SPRY4: variants seen among roughly 807,000 people sequenced by gnomAD.
SPRY4 encodes sprouty RTK signaling antagonist 4.
SPRY4 carries 7 observed loss-of-function variants against 17.0 expected under a neutral mutation model. The observed-to-expected ratio is 0.41, with a 90% CI of 0.23 to 0.77. SPRY4 has a LOEUF of 0.77. Ranked by LOEUF, SPRY4 falls within the 30% of genes least tolerant of loss-of-function variation. The pLI is 0.32. For synonymous variants in SPRY4, 183 were observed against 174.1 expected (o/e 1.05, Z -0.40); for missense variants, 435 against 419.9 (o/e 1.04, Z -0.31).
chr5:142,314,588 CG>C lies in SPRY4; in HGVS notation c.520del (p.Arg174GlyfsTer85). ...KCKCKECASP[R>X]TLPSCWVCNQ... ...GCAGACCCAGCAGGAAGGCAACGTC[CG>C]GGGGGATGCACACTCCTTGCATTTA... On this transcript the variant is annotated frameshift_variant, in exon 2 of 2. Coordinates refer to ENST00000434127, the MANE Select transcript of SPRY4 (RefSeq NM_001127496.3). LOFTEE classifies it high-confidence loss of function. This position sits in a 1 kb window ranked among gnomAD's most constrained non-coding sequence, Gnocchi z 4.8. 6.2e-7 allele frequency: 1 copy of C among 1,614,206 alleles called. No homozygotes were observed. The highest frequency in any genetic ancestry group is 8.5e-7 in the Non-Finnish European group (1 of 1,180,030).
At chr5:142,322,187 T>A (rs1240178814) in intron 1 of SPRY4, among the ~76,000 whole-genome samples, 1 of 152,036 alleles carries the variant, frequency 6.6e-6, no homozygotes, top group Non-Finnish European at 1.5e-5. Flanking sequence ...CAGATAAAAA[T>A]GACATATGAG....
intron 1 of SPRY4, among the ~76,000 whole-genome samples, chr5:142,320,817 G>A (rs958928819): frequency 2.6e-5 from 4 of 152,094 alleles, no homozygotes; most frequent in Admixed American, 2.6e-4. Context: ...TACAATAATA[G>A]ATTTTAGCTT....
chr5:142,321,794 C>T (rs915773188), intron 1 of SPRY4, among the ~76,000 whole-genome samples: 7 of 152,160 alleles, frequency 4.6e-5, no homozygotes, highest in South Asian at 2.1e-4. Context: ...TCCTTTGCAC[C>T]AACACCCAGG....
chr5:142,317,909 G>T, intron 1 of SPRY4: 1 of 985,366 alleles, frequency 1.0e-6, no homozygotes, highest in Non-Finnish European at 1.2e-6. Context: ...CGATGACTTG[G>T]CTCTCTGGGG....
chr5:142,317,438 A>G, intron 1 of SPRY4: 1 of 985,338 alleles, frequency 1.0e-6, no homozygotes, highest in Non-Finnish European at 1.2e-6. Flanking sequence ...GACAATGATA[A>G]CATGAGTCCC....
chr5:142,311,143 A>G lies in SPRY4; in HGVS notation c.*3066T>C. 1 of 152,254 alleles carries G rather than the reference A, an allele frequency of 6.6e-6. No homozygotes were observed. Among genetic ancestry groups the G allele is most frequent in the Non-Finnish European group, 1.5e-5 (1 of 68,036 alleles). 9.4% of individuals were successfully genotyped at this position (152,254 alleles called of 1,614,324 possible). A position where few individuals can be genotyped will look rare whatever the true frequency, so the allele number is the denominator to read the frequency against. ...CTGAGGGGGTGCGTACCAAAGGACC[A>G]AAGGAAGGGATTGGTCTTCACCCCC... On this transcript the variant is annotated 3_prime_UTR_variant, in exon 2 of 2. Transcript: ENST00000434127.
Position 142,314,906 on chromosome 5 carries a change from C to T in SPRY4, c.203G>A (p.Arg68Gln), listed in dbSNP as rs762784800. 1.4e-4 allele frequency: 221 copies of T among 1,608,366 alleles called. No homozygotes were observed. Among genetic ancestry groups the T allele is most frequent in the Non-Finnish European group, 1.7e-4 (201 of 1,175,844 alleles). ...LALTTGPKRT[R>Q]GGAPELAPTP... ...CGGGGCCAGCTCTGGGGCCCCGCCC[C>T]GGGTCCGCTTTGGGCCGGTGGTCAG... Residue 68 changes from arginine (R) to glutamine (Q), a missense_variant, in exon 2 of 2, where the codon CGG becomes CAG. Transcript: ENST00000434127. This position sits in a 1 kb window ranked among gnomAD's most constrained non-coding sequence, Gnocchi z 4.8.
rs557985857 is a variant in SPRY4 at position 142,315,098 on chromosome 5, G to A, written c.11C>T (p.Pro4Leu). 9.3e-6 allele frequency: 15 copies of A among 1,610,526 alleles called. No homozygotes were observed. The highest frequency in any genetic ancestry group is 6.7e-5 in the African/African-American group (5 of 74,966). Reference protein sequence around the residue: MEPPIPQSAPLTPN... With the variant: MEPLIPQSAPLTPN... ...AGTCAAGGGGGCGCTCTGTGGGATC[G>A]GGGGCTCCATGGGGCTGGAGGTCCT... The change falls in exon 2 of 2, where the codon CCG (proline) becomes CTG (leucine). Residue 4 changes from proline to leucine, a missense_variant. Pro to Leu is a moderately conservative substitution (Grantham distance 98). Coordinates refer to ENST00000434127, the MANE Select transcript of SPRY4 (RefSeq NM_001127496.3).
chr5:142,317,899 C>T (rs954115688), intron 1 of SPRY4: 30 of 985,254 alleles, frequency 3.0e-5, no homozygotes, highest in Admixed American at 6.2e-5. Context: ...GCTTGGCCCA[C>T]GATGACTTGG....
Position 142,314,322 on chromosome 5 carries a change from G to C in SPRY4, c.787C>G (p.Arg263Gly). ...PATGCVKLAQRGYDRLRRPGC... is the reference protein window; with the variant it reads ...PATGCVKLAQGGYDRLRRPGC... Reference sequence around the variant, plus strand: ...GGGCGGCGCAGACGGTCGTAGCCACGCTGGGCCAGCTTCACGCAGCCGGTG... The same window carrying C: ...GGGCGGCGCAGACGGTCGTAGCCACCCTGGGCCAGCTTCACGCAGCCGGTG... Residue 263 changes from arginine (R) to glycine (G), a missense_variant, in exon 2 of 2, where the codon CGT (arginine) becomes GGT (glycine). Coordinates refer to ENST00000434127, the MANE Select transcript of SPRY4 (RefSeq NM_001127496.3). This position sits in a 1 kb window ranked among gnomAD's most constrained non-coding sequence, Gnocchi z 4.8. 1 of 1,613,996 alleles carries C rather than the reference G, an allele frequency of 6.2e-7. No individual in the cohort carries two copies. Among genetic ancestry groups the C allele is most frequent in the South Asian group, 1.1e-5 (1 of 91,074 alleles).
In SPRY4 at chr5:142,317,635, T is replaced by TC. The variant is rs577327508; in HGVS notation, c.-47-2481dup. On this transcript the variant is annotated intron_variant, in intron 1 of 1. Transcript: ENST00000434127. The stretch of plus-strand genomic sequence containing the variant: ...GCAGATTCACTTTTTTTTTTTTTTT[T>TC]CATTTGTGAGGTTCTTTAAAAACAG... 60 of 984,660 alleles carry TC rather than the reference T, an allele frequency of 6.1e-5. 1 individual carries two copies. The South Asian group carries it at 2.5e-3, about 41-fold the overall frequency. The allele number at this position is 984,660 out of a possible 1,614,324, so 61.0% of individuals were successfully genotyped here.
At chr5:142,317,005 C>A (rs769658419) in intron 1 of SPRY4, 1 of 985,444 alleles carries the variant, frequency 1.0e-6, no homozygotes, top group Non-Finnish European at 1.2e-6. Context: ...ATGTTCTCTT[C>A]GGATGAAACC....
rs770051985 is a variant in SPRY4, at chr5:142,315,101, G to A, written c.8C>T (p.Pro3Leu). 3.7e-6 allele frequency: 6 copies of A among 1,610,012 alleles called. No homozygotes were observed. In the South Asian group the frequency reaches 5.5e-5, roughly 15 times the overall value. The change falls in exon 2 of 2, where the codon CCC becomes CTC. Residue 3 changes from proline (P) to leucine (L), a missense_variant. Coordinates refer to ENST00000434127, the MANE Select transcript of SPRY4 (RefSeq NM_001127496.3). ME[P>L]PIPQSAPLTP... ...CAAGGGGGCGCTCTGTGGGATCGGG[G>A]GCTCCATGGGGCTGGAGGTCCTGGA...
At chr5:142,316,208 CGA>C (rs1252250183) in intron 1 of SPRY4, among the ~76,000 whole-genome samples, 3 of 152,094 alleles carry the variant, frequency 2.0e-5, no homozygotes, top group East Asian at 1.9e-4. Flanking sequence ...CTAATTTCAC[CGA>C]GAGAGTGCAA....
At chr5:142,316,541 A>G (rs1297599735) in intron 1 of SPRY4, among the ~76,000 whole-genome samples, 1 of 152,232 alleles carries the variant, frequency 6.6e-6, no homozygotes, top group Non-Finnish European at 1.5e-5. Context: ...TAAAAGAGAA[A>G]GATAAGTCTT....
chr5:142,321,392 C>T (rs1017644804), intron 1 of SPRY4, among the ~76,000 whole-genome samples: 1 of 152,234 alleles, frequency 6.6e-6, no homozygotes, highest in Non-Finnish European at 1.5e-5. Context: ...GTTCTAGCCC[C>T]TGGCTTGGTC....
chr5:142,318,826 C>G (rs185158833), intron 1 of SPRY4, among the ~76,000 whole-genome samples: 191 of 152,254 alleles, frequency 1.3e-3, no homozygotes, highest in African/African-American at 4.4e-3. Flanking sequence ...AGGGAAGGGA[C>G]TTTTACCTCC....
chr5:142,314,533 A>AGT lies in SPRY4; in HGVS notation c.574_575dup (p.Val194TrpfsTer66). On this transcript the variant is annotated frameshift_variant, in exon 2 of 2. Coordinates refer to ENST00000434127, the MANE Select transcript of SPRY4 (RefSeq NM_001127496.3). LOFTEE classifies it high-confidence loss of function. The surrounding 1 kb of genome is among the most constrained non-coding windows in gnomAD (Gnocchi z 4.8). Reference sequence around the variant, plus strand: ...ACATGCACGTGCCATAGTTGACCAGAGTCTGGGCTGAGCACAGGCACTCCT... The same window carrying AGT: ...ACATGCACGTGCCATAGTTGACCAGAGTGTCTGGGCTGAGCACAGGCACTCCT... The AGT allele has an allele frequency of 6.2e-7, 1 of 1,614,238 alleles. No homozygotes were observed. Among genetic ancestry groups the AGT allele is most frequent in the Non-Finnish European group, 8.5e-7 (1 of 1,180,036 alleles).
Position 142,314,746 on chromosome 5 carries a change from A to G in SPRY4, c.363T>C (p.Ala121=), listed in dbSNP as rs2126988160. The G allele has an allele frequency of 6.2e-7, 1 of 1,605,892 alleles. No individual in the cohort carries two copies. The highest frequency in any genetic ancestry group is 8.5e-7 in the Non-Finnish European group (1 of 1,173,368). ...LLDHMAPPPV[A]DQASPRAVRI... is the part of the protein sequence containing the mutation. Reference sequence around the variant, plus strand: ...GCACAGCCCTTGGTGAGGCCTGGTCAGCCACGGGTGGTGGTGCCATGTGGT... The same window carrying G: ...GCACAGCCCTTGGTGAGGCCTGGTCGGCCACGGGTGGTGGTGCCATGTGGT... Residue 121 remains alanine (A), a synonymous_variant, in exon 2 of 2, where the codon GCT becomes GCC. Coordinates refer to ENST00000434127, the MANE Select transcript of SPRY4 (RefSeq NM_001127496.3). This position sits in a 1 kb window ranked among gnomAD's most constrained non-coding sequence, Gnocchi z 4.8.
Sources: gnomAD v4.1 joint callset for allele counts (sites outside exome capture counted in the v4.1 genomes callset) on GRCh38, gnomAD v4.1.1 for gene constraint, Gnocchi (gnomAD v3.1) non-coding constraint, MANE v1.5 for transcripts, NCBI Gene and HGNC (gene_info 2026-07-23, HGNC 2026-07-21) for gene names.